SND1: variants seen among roughly 807,000 people sequenced by gnomAD.
SND1 encodes the protein staphylococcal nuclease and tudor domain containing 1.
Under a neutral mutation model 121.7 loss-of-function variants are expected in SND1, and 38 were observed. That is an observed-to-expected ratio of 0.31 (90% CI 0.24 to 0.41). The LOEUF is 0.41. Among genes scored for constraint, SND1 ranks in the 10% least tolerant of loss-of-function variants. SND1 has a pLI of 1.00. For missense variants in SND1, 868 were observed against 1,184.6 expected (o/e 0.73, Z 3.92); for synonymous variants, 401 against 447.4 (o/e 0.90, Z 1.31).
At chr7:127,806,293 C>T (rs1798236913) in intron 10 of SND1, among the ~76,000 whole-genome samples, 2 of 152,130 alleles carry the variant, frequency 1.3e-5, no homozygotes, top group African/African-American at 4.8e-5. Context: ...TTCATTTCTT[C>T]AAGTGGTTCT....
chr7:127,846,048 G>A (rs1799055843), intron 12 of SND1, among the ~76,000 whole-genome samples: 1 of 152,250 alleles, frequency 6.6e-6, no homozygotes, highest in South Asian at 2.1e-4. Flanking sequence ...GCAAATGTGG[G>A]GTAGCTGTCT....
At chr7:128,043,554 A>C (rs960922128) in intron 16 of SND1, among the ~76,000 whole-genome samples, 1 of 151,832 alleles carries the variant, frequency 6.6e-6, no homozygotes, top group Non-Finnish European at 1.5e-5. Flanking sequence ...GCTGGGTGAC[A>C]GAGGGAGACT....
chr7:128,091,659 A>T (rs1036393976), intron 22 of SND1, among the ~76,000 whole-genome samples, 178 bp from the exon 23 acceptor site: 8 of 152,166 alleles, frequency 5.3e-5, no homozygotes, highest in Non-Finnish European at 1.2e-4. Flanking sequence ...GAGTTAAGGG[A>T]AAAGCCAGGA....
In SND1 at chr7:127,834,052, A is replaced by G. The variant is rs182536639; in HGVS notation, c.1243-10272A>G. Among the ~76,000 whole-genome samples the G allele has an allele frequency of 3.3e-5, 5 of 152,188 alleles. No individual in the cohort carries two copies. The East Asian group carries it at 9.6e-4, about 29-fold the overall frequency. ...TCCTTCCTTTTTAAAGCTGAATAAC[A>G]TTCTATTGTATGTATCTACCATATT... is the stretch of plus-strand genomic sequence containing the variant. On this transcript the variant is annotated intron_variant, in intron 11 of 23. Coordinates refer to ENST00000354725, the MANE Select transcript of SND1 (RefSeq NM_014390.4).
chr7:127,822,466 A>G (rs1401630475), intron 11 of SND1, among the ~76,000 whole-genome samples: 5 of 152,182 alleles, frequency 3.3e-5, no homozygotes, highest in Admixed American at 6.5e-5. Flanking sequence ...GAATTCTACT[A>G]ATACTGGTGA....
intron 12 of SND1, among the ~76,000 whole-genome samples, chr7:127,863,236 C>T (rs928645316): frequency 6.6e-6 from 1 of 152,172 alleles, no homozygotes; most frequent in Admixed American, 6.5e-5. Context: ...TAACATTGCA[C>T]AGCAAGTCCA....
chr7:128,088,566 C>T (rs945620340), intron 21 of SND1, among the ~76,000 whole-genome samples: 6 of 151,350 alleles, frequency 4.0e-5, no homozygotes, highest in African/African-American at 1.5e-4. Context: ...GATTCTCCCA[C>T]CTCAGCCTTC....
At chr7:127,655,237 G>A (rs1795191177) in intron 1 of SND1, among the ~76,000 whole-genome samples, 1 of 152,190 alleles carries the variant, frequency 6.6e-6, no homozygotes, top group Non-Finnish European at 1.5e-5. Flanking sequence ...TTGCAGGGCC[G>A]TGAAAGACAC....
At chr7:127,739,066 C>G (rs533073627) in intron 10 of SND1, among the ~76,000 whole-genome samples, 2 of 152,186 alleles carry the variant, frequency 1.3e-5, no homozygotes, top group Admixed American at 6.5e-5. Flanking sequence ...TGGTTCAGTT[C>G]TGATGAAACA....
chr7:127,694,845 T>C lies in SND1; in HGVS notation c.246T>C (p.Ala82=). The change falls in exon 3 of 24, where the codon GCT becomes GCC. Residue 82 remains alanine, a synonymous_variant. Coordinates refer to ENST00000354725, the MANE Select transcript of SND1 (RefSeq NM_014390.4). The part of the protein sequence containing the change: ...DTPDEPWAFP[A]REFLRKKLIG... Reference sequence around the variant, plus strand: ...TCTTTCAGCCCTGGGCATTTCCAGCTCGAGAGTTCCTTCGAAAGAAGCTGA... The same window carrying C: ...TCTTTCAGCCCTGGGCATTTCCAGCCCGAGAGTTCCTTCGAAAGAAGCTGA... 3.1e-6 allele frequency: 5 copies of C among 1,614,030 alleles called. No individual in the cohort carries two copies. The highest frequency in any genetic ancestry group is 4.2e-6 in the Non-Finnish European group (5 of 1,179,928).
rs201583604 is a variant in SND1, at chr7:127,657,185, CAG to C, written c.78+4736_78+4737del. 6.1e-3 allele frequency among the ~76,000 whole-genome samples: 930 copies of C among 152,242 alleles called. 14 individuals carry two copies. Among genetic ancestry groups the C allele is most frequent in the African/African-American group, 0.021 (865 of 41,552 alleles). Reference sequence around the variant, plus strand: ...TGTCAAGCTCTGGGCATTGGAGAAACAGAATTTAAAAAGTAGATCAAATTTCT... The same window carrying C: ...TGTCAAGCTCTGGGCATTGGAGAAACAATTTAAAAAGTAGATCAAATTTCT... On this transcript the variant is annotated intron_variant, in intron 1 of 23. Coordinates refer to ENST00000354725, the MANE Select transcript of SND1 (RefSeq NM_014390.4).
chr7:127,779,403 G>C (rs1270127915), intron 10 of SND1, among the ~76,000 whole-genome samples: 1 of 152,146 alleles, frequency 6.6e-6, no homozygotes, highest in East Asian at 1.9e-4. Context: ...ATGTATGGCT[G>C]CTACATTAAT....
rs569302484 is a variant in SND1 at position 128,034,196 on chromosome 7, G to A, written c.1780-40306G>A. On this transcript the variant is annotated intron_variant, in intron 16 of 23. Coordinates refer to ENST00000354725, the MANE Select transcript of SND1 (RefSeq NM_014390.4). ...GAGTAAATGGTGGAGGCAAGTGGAG[G>A]GGGGAGGAGAGAGAGACTGTAGGAA... Among the ~76,000 whole-genome samples, 29 of 152,318 alleles carry A rather than the reference G, an allele frequency of 1.9e-4. No individual in the cohort carries two copies. In the South Asian group the frequency reaches 6.0e-3, roughly 32 times the overall value.
At chr7:128,004,416 G>T (rs928721437) in intron 16 of SND1, among the ~76,000 whole-genome samples, 10 of 152,200 alleles carry the variant, frequency 6.6e-5, no homozygotes, top group African/African-American at 2.4e-4. Context: ...TCTGTCACCA[G>T]CAACTGAATA....
At chr7:127,954,538 C>A (rs1270726876) in intron 15 of SND1, among the ~76,000 whole-genome samples, 1 of 152,162 alleles carries the variant, frequency 6.6e-6, no homozygotes, top group East Asian at 1.9e-4. Context: ...AGCCCTCTCT[C>A]TCTTTCCCTG....
At chr7:127,663,138 C>T (rs780836376) in intron 1 of SND1, among the ~76,000 whole-genome samples, 1 of 152,078 alleles carries the variant, frequency 6.6e-6, no homozygotes, top group Non-Finnish European at 1.5e-5. Context: ...CCTCCTGCCT[C>T]AGCCTCCAAA....
chr7:127,691,000 C>T (rs1328672484), intron 2 of SND1, among the ~76,000 whole-genome samples: 1 of 152,190 alleles, frequency 6.6e-6, no homozygotes, highest in Non-Finnish European at 1.5e-5. Flanking sequence ...CTGTTCCAAG[C>T]TAATCCCCAG....
intron 16 of SND1, among the ~76,000 whole-genome samples, chr7:127,993,819 C>T (rs970357130): frequency 4.6e-5 from 7 of 152,146 alleles, no homozygotes; most frequent in Non-Finnish European, 1.0e-4. Context: ...ACAGATTGTA[C>T]GATTTCAGAG....
intron 16 of SND1, among the ~76,000 whole-genome samples, chr7:128,048,547 A>G (rs2117017195): frequency 6.6e-6 from 1 of 152,312 alleles, no homozygotes; most frequent in Admixed American, 6.5e-5. Context: ...CTGATTGGAA[A>G]GAGTGGGATG....
Sources: gnomAD v4.1 joint callset for allele counts (sites outside exome capture counted in the v4.1 genomes callset) on GRCh38, gnomAD v4.1.1 for gene constraint, MANE v1.5 for transcripts, NCBI Gene and HGNC (gene_info 2026-07-23, HGNC 2026-07-21) for gene names.